DOCK3: variants seen among roughly 807,000 people sequenced by gnomAD.
DOCK3 encodes dedicator of cytokinesis protein 3.
DOCK3 carries 60 observed loss-of-function variants against 265.6 expected under a neutral mutation model. The observed-to-expected ratio is 0.23, with a 90% confidence interval of 0.18 to 0.28. The LOEUF is 0.28. Ranked by LOEUF, DOCK3 falls within the 10% of genes least tolerant of loss-of-function variation. DOCK3 has a pLI of 1.00. For missense variants in DOCK3, 1,981 were observed against 2,594.3 expected (o/e 0.76, Z 5.14); for synonymous variants, 881 against 938.0 (o/e 0.94, Z 1.11).
rs9817576 is a variant in DOCK3, at chr3:50,779,524, C to T, written c.121+766C>T. On this transcript the variant is annotated intron_variant, in intron 2 of 52. Coordinates refer to ENST00000266037, the MANE Select transcript of DOCK3 (RefSeq NM_004947.5). ...TCAGCCTCCCTAGTAGCTGGGATTA[C>T]AGGCGTCCACCACCACGCCCAGCTA... 2.8e-3 allele frequency among the ~76,000 whole-genome samples: 424 copies of T among 152,230 alleles called. 3 individuals carry two copies. Among genetic ancestry groups the T allele is most frequent in the African/African-American group, 9.8e-3 (407 of 41,566 alleles).
intron 9 of DOCK3, among the ~76,000 whole-genome samples, chr3:51,138,987 G>T (rs894893356): frequency 6.6e-6 from 1 of 152,076 alleles, no homozygotes; most frequent in Non-Finnish European, 1.5e-5. Flanking sequence ...TTTTATAACA[G>T]CCCTAGGTGG....
intron 21 of DOCK3, among the ~76,000 whole-genome samples, chr3:51,240,655 C>T (rs2078572670): frequency 6.6e-6 from 1 of 152,168 alleles, no homozygotes; most frequent in African/African-American, 2.4e-5. Flanking sequence ...GTTAGGTCTT[C>T]TTGTTGAACT....
At chr3:50,833,593 C>T (rs1424241088) in intron 2 of DOCK3, among the ~76,000 whole-genome samples, 5 of 152,084 alleles carry the variant, frequency 3.3e-5, no homozygotes, top group Admixed American at 2.6e-4. Context: ...CTATTTGAGG[C>T]CCCTGGGCCT....
intron 9 of DOCK3, among the ~76,000 whole-genome samples, chr3:51,092,219 C>G (rs2082664980): frequency 6.6e-6 from 1 of 152,192 alleles, no homozygotes; most frequent in East Asian, 1.9e-4. Flanking sequence ...TCTGGTTTGG[C>G]AGGTCCCACC....
At chr3:51,182,822 T>C (rs2087380401) in intron 12 of DOCK3, among the ~76,000 whole-genome samples, 1 of 152,172 alleles carries the variant, frequency 6.6e-6, no homozygotes, top group Non-Finnish European at 1.5e-5. Context: ...TTTCAGTCAG[T>C]TCCAAAAAAG....
chr3:51,303,940 G>C (rs955946717), intron 27 of DOCK3, among the ~76,000 whole-genome samples: 3 of 151,302 alleles, frequency 2.0e-5, no homozygotes, highest in Non-Finnish European at 4.4e-5. Flanking sequence ...CTGCCCCTTG[G>C]CAGAGGGGGT....
At chr3:50,833,657 T>C (rs1418316115) in intron 2 of DOCK3, among the ~76,000 whole-genome samples, 2 of 152,172 alleles carry the variant, frequency 1.3e-5, no homozygotes, top group Non-Finnish European at 2.9e-5. Flanking sequence ...GTACAGGGAC[T>C]GTGTAGACAA....
intron 10 of DOCK3, among the ~76,000 whole-genome samples, chr3:51,158,149 G>C (rs1166076189): frequency 2.0e-5 from 3 of 152,014 alleles, no homozygotes; most frequent in Admixed American, 1.3e-4. Context: ...ATCTGAAACA[G>C]AATATATATT....
chr3:51,238,422 G>A (rs1297025861), intron 21 of DOCK3, among the ~76,000 whole-genome samples: 3 of 151,982 alleles, frequency 2.0e-5, no homozygotes, highest in Admixed American at 6.6e-5. Context: ...GATTACAGGC[G>A]TGAGCCACCG....
At chr3:50,969,746 G>A (rs1034540252) in intron 5 of DOCK3, among the ~76,000 whole-genome samples, 3 of 152,126 alleles carry the variant, frequency 2.0e-5, no homozygotes, top group Non-Finnish European at 4.4e-5. Context: ...AGTTTAGCAG[G>A]ATAAAAAATT....
chr3:50,783,484 T>C (rs1250519604), intron 2 of DOCK3, among the ~76,000 whole-genome samples: 5 of 152,162 alleles, frequency 3.3e-5, no homozygotes, highest in African/African-American at 1.2e-4. Context: ...CTTGAGAAGA[T>C]TCTCAATGGA....
chr3:51,160,892 C>T (rs1440486384), intron 12 of DOCK3, among the ~76,000 whole-genome samples, 190 bp downstream of exon 12: 12 of 151,706 alleles, frequency 7.9e-5, no homozygotes, highest in African/African-American at 9.7e-5. Context: ...CTGGCTAACA[C>T]GGTGAAACCT....
chr3:50,749,248 A>G (rs929768303), intron 1 of DOCK3, among the ~76,000 whole-genome samples: 5 of 152,184 alleles, frequency 3.3e-5, no homozygotes, highest in African/African-American at 1.2e-4. Context: ...CCTGGGACAA[A>G]TTTAGCATTT....
At chr3:51,019,869 G>A (rs2079512276) in intron 5 of DOCK3, among the ~76,000 whole-genome samples, 1 of 151,796 alleles carries the variant, frequency 6.6e-6, no homozygotes, top group African/African-American at 2.4e-5. Flanking sequence ...TCTTTATCCA[G>A]TCTATCATTG....
intron 3 of DOCK3, among the ~76,000 whole-genome samples, chr3:50,867,090 G>A (rs972391758): frequency 2.6e-5 from 4 of 151,920 alleles, no homozygotes; most frequent in African/African-American, 9.7e-5. Context: ...TTATTTTTTG[G>A]CATCCCTCCA....
chr3:51,082,294 C>G (rs2082269936), intron 7 of DOCK3, among the ~76,000 whole-genome samples: 2 of 151,950 alleles, frequency 1.3e-5, no homozygotes. Flanking sequence ...TTGGGTCCAA[C>G]ACACCCGAAT....
intron 25 of DOCK3, among the ~76,000 whole-genome samples, chr3:51,276,955 T>C (rs747814068): frequency 2.0e-5 from 3 of 152,182 alleles, no homozygotes; most frequent in Non-Finnish European, 4.4e-5. Flanking sequence ...CATGCTCCAT[T>C]GTTTTTGTGA....
At chr3:51,180,170 T>G (rs112370348) in intron 12 of DOCK3, among the ~76,000 whole-genome samples, 3,720 of 144,178 alleles carry the variant, frequency 0.026, 75 homozygotes, top group Non-Finnish European at 0.033. Context: ...ATCACGCCAC[T>G]GTGCTCCAGC....
At chr3:51,259,162 G>C (rs181333884) in intron 22 of DOCK3, among the ~76,000 whole-genome samples, 193 of 152,316 alleles carry the variant, frequency 1.3e-3, no homozygotes, top group Non-Finnish European at 2.1e-3. Context: ...TACAAGCCCT[G>C]TAAGACACAT....
Sources: gnomAD v4.1 joint callset for allele counts (sites outside exome capture counted in the v4.1 genomes callset) on GRCh38, gnomAD v4.1.1 for gene constraint, MANE v1.5 for transcripts, NCBI Gene and HGNC (gene_info 2026-07-23, HGNC 2026-07-21) for gene names.